The following KPNA5 variants were observed in gnomAD, a reference collection of about 807,000 sequenced individuals.
KPNA5 encodes the protein importin subunit alpha-6.
A neutral mutation model predicts 71.3 loss-of-function variants in KPNA5; 46 were observed. The observed-to-expected ratio is 0.65, with a 90% CI of 0.51 to 0.83. The LOEUF (loss-of-function observed/expected upper bound fraction) is 0.83, where lower values mean the gene tolerates loss of function less well. Among genes scored for constraint, KPNA5 ranks in the 40% least tolerant of loss-of-function variants. The probability of loss-of-function intolerance (pLI) is 0.00; values close to 1 mark genes in which losing one functional copy is unlikely to be tolerated. For synonymous variants in KPNA5, 207 were observed against 201.4 expected (o/e 1.03, Z -0.24); for missense variants, 547 against 628.3 (o/e 0.87, Z 1.38).
chr6:116,718,284 A>G (rs1236803059), intron 8 of KPNA5, among the ~76,000 whole-genome samples: 1 of 135,326 alleles, frequency 7.4e-6, no homozygotes, highest in Admixed American at 7.7e-5. Context: ...TTTTTTTGAG[A>G]TGGAGTCTCG....
At chr6:116,701,936 G>A in intron 5 of KPNA5, 83 bp from the exon 6 acceptor site, 8 of 1,297,340 alleles carry the variant, frequency 6.2e-6, no homozygotes, top group Non-Finnish European at 8.5e-6. Context: ...GTCCTGGCAG[G>A]TCTTTACTCC....
chr6:116,690,993 C>T (rs1040513077), intron 2 of KPNA5, among the ~76,000 whole-genome samples: 1 of 152,168 alleles, frequency 6.6e-6, no homozygotes, highest in African/African-American at 2.4e-5. Context: ...CTTTGGGAGG[C>T]CTAGGTGGGC....
intron 5 of KPNA5, among the ~76,000 whole-genome samples, chr6:116,699,648 C>T (rs1260631612): frequency 6.6e-6 from 1 of 152,140 alleles, no homozygotes; most frequent in African/African-American, 2.4e-5. Flanking sequence ...CAATAAGGGT[C>T]TCTAAGAGGC....
chr6:116,681,523 G>A, intron 1 of KPNA5, 185 bp downstream of exon 1: 22 of 1,354,542 alleles, frequency 1.6e-5, no homozygotes, highest in East Asian at 3.1e-5. Context: ...CGTGGCAGCC[G>A]GACCTTTCCC....
chr6:116,735,003 TTAATC>T lies in KPNA5; in HGVS notation c.*2683_*2687del, dbSNP rs1181730474. ...TTGTCTGAATCTGAATTTCTCCTAT[TTAATC>T]TATGCAATTATGCTTGTTTTATATT... On this transcript the variant is annotated 3_prime_UTR_variant, in exon 14 of 14. Transcript: ENST00000368564. 4 of 151,758 alleles carry T rather than the reference TTAATC, an allele frequency of 2.6e-5. No homozygotes were observed. The highest frequency in any genetic ancestry group is 9.7e-5 in the African/African-American group (4 of 41,430). The allele number at this position is 151,758 out of a possible 1,614,324, so 9.4% of individuals were successfully genotyped here. A position where few individuals can be genotyped will look rare whatever the true frequency, so the allele number is the denominator to read the frequency against.
chr6:116,701,468 T>G (rs563051946), intron 5 of KPNA5, among the ~76,000 whole-genome samples: 4 of 151,980 alleles, frequency 2.6e-5, no homozygotes, highest in African/African-American at 4.8e-5. Flanking sequence ...CTCTGCAGCT[T>G]AAAAAAAATA....
chr6:116,686,352 T>G (rs1311003557), intron 1 of KPNA5, among the ~76,000 whole-genome samples: 1 of 152,240 alleles, frequency 6.6e-6, no homozygotes, highest in Non-Finnish European at 1.5e-5. Flanking sequence ...GTATGTCCTT[T>G]GAAAAGTGTC....
intron 4 of KPNA5, among the ~76,000 whole-genome samples, chr6:116,694,291 G>A (rs1777930080): frequency 6.6e-6 from 1 of 152,200 alleles, no homozygotes; most frequent in African/African-American, 2.4e-5. Context: ...TTAATAGCTT[G>A]ATGGGGATGG....
intron 4 of KPNA5, among the ~76,000 whole-genome samples, chr6:116,698,013 A>G (rs1404072063): frequency 6.6e-6 from 1 of 152,022 alleles, no homozygotes; most frequent in Non-Finnish European, 1.5e-5. Context: ...AGATGAGAAT[A>G]AACAGGAATA....
At chr6:116,718,255 ATTTTTTTTTTC>A (rs1434984064) in intron 8 of KPNA5, among the ~76,000 whole-genome samples, 1 of 140,168 alleles carries the variant, frequency 7.1e-6, no homozygotes, top group Non-Finnish European at 1.6e-5. Flanking sequence ...ATGTCTTTTA[ATTTTTTTTTTC>A]TTTTTTTTTT....
chr6:116,726,671 G>A, intron 12 of KPNA5, 49 bp downstream of exon 12: 2 of 1,420,618 alleles, frequency 1.4e-6, no homozygotes, highest in African/African-American at 1.5e-5. Flanking sequence ...TGAGACAAAA[G>A]TTGAAATAAA....
Position 116,732,285 on chromosome 6 carries a change from C to T in KPNA5, c.1582C>T (p.Gln528Ter). The T allele has an allele frequency of 6.5e-7, 1 of 1,529,754 alleles. No homozygotes were observed. The highest frequency in any genetic ancestry group is 8.8e-7 in the Non-Finnish European group (1 of 1,135,456). 94.8% of individuals were successfully genotyped at this position (1,529,754 alleles called of 1,614,324 possible). A position where few individuals can be genotyped will look rare whatever the true frequency, so the allele number is the denominator to read the frequency against. ...VDENQQQFIF[Q>*]QQEAPMDGFQ... ...TGAAAACCAACAACAGTTTATATTT[C>T]AGCAGCAGGAAGCACCAATGGATGG... The change falls in exon 14 of 14, where the codon CAG (glutamine) becomes TAG (stop). Residue 528 changes from glutamine to a stop codon, truncating the protein, a stop_gained. Transcript: ENST00000368564. LOFTEE classifies it high-confidence loss of function.
rs199922720 is a variant in KPNA5, at chr6:116,710,875, A to T, written c.657-5344A>T. 2.7e-4 allele frequency among the ~76,000 whole-genome samples: 19 copies of T among 69,530 alleles called. No homozygotes were observed. The East Asian group carries it at 4.6e-3, about 17-fold the overall frequency. 45.6% of individuals were successfully genotyped at this position (69,530 alleles called of 152,430 possible). ...TTCTTAATTGTAGTAATATTATTTT[A>T]TATATATATATATATATATTTTTTT... On this transcript the variant is annotated intron_variant, in intron 7 of 13. Coordinates refer to ENST00000368564, the MANE Select transcript of KPNA5 (RefSeq NM_001366306.2).
At chr6:116,692,807 C>T (rs914499005) in intron 4 of KPNA5, among the ~76,000 whole-genome samples, 5 of 151,928 alleles carry the variant, frequency 3.3e-5, no homozygotes, top group African/African-American at 1.2e-4. Context: ...CATATGTATA[C>T]GTGTGCCATG....
At chr6:116,689,232 G>A (rs1238408151) in intron 1 of KPNA5, 88 bp from the exon 2 acceptor site, 1 of 1,380,640 alleles carries the variant, frequency 7.2e-7, no homozygotes. Flanking sequence ...TAATCAGTGA[G>A]CCTGAATTTA....
intron 4 of KPNA5, among the ~76,000 whole-genome samples, chr6:116,694,834 A>C (rs1777960702): frequency 6.6e-6 from 1 of 152,202 alleles, no homozygotes; most frequent in Non-Finnish European, 1.5e-5. Flanking sequence ...AATTTCCTTA[A>C]TATATATTCA....
intron 5 of KPNA5, among the ~76,000 whole-genome samples, chr6:116,700,030 C>T (rs1471466168): frequency 2.0e-5 from 3 of 152,180 alleles, no homozygotes; most frequent in African/African-American, 7.2e-5. Flanking sequence ...CAGAACATAG[C>T]AACTTACTCT....
At chr6:116,681,673 A>G (rs752973787) in intron 1 of KPNA5, 3 of 414,570 alleles carry the variant, frequency 7.2e-6, no homozygotes, top group Non-Finnish European at 6.9e-6. Flanking sequence ...AAACGTTGCC[A>G]CTCATACCTG....
chr6:116,692,326 AT>A lies in KPNA5; in HGVS notation c.280del (p.Ser94LeufsTer8). 6.2e-7 allele frequency: 1 copy of A among 1,604,524 alleles called. No homozygotes were observed. The highest frequency in any genetic ancestry group is 1.1e-5 in the South Asian group (1 of 87,860). ...TGTTACTACAGATATGGTTCAGATGATTTTTTCTAATAATGCTGATCAACAG... is the reference window on the plus strand; with the variant it reads ...TGTTACTACAGATATGGTTCAGATGATTTTTCTAATAATGCTGATCAACAG... ...EVVTTDMVQM[I>X]FSNNADQQLT... On this transcript the variant is annotated frameshift_variant, in exon 4 of 14. Coordinates refer to ENST00000368564, the MANE Select transcript of KPNA5 (RefSeq NM_001366306.2). LOFTEE classifies it high-confidence loss of function.
Sources: gnomAD v4.1 joint callset for allele counts (sites outside exome capture counted in the v4.1 genomes callset) on GRCh38, gnomAD v4.1.1 for gene constraint, MANE v1.5 for transcripts, NCBI Gene and HGNC (gene_info 2026-07-23, HGNC 2026-07-21) for gene names.